The following RNGTT variants were observed in gnomAD, a reference collection of about 807,000 sequenced individuals.
The protein encoded by RNGTT is mRNA-capping enzyme.
A neutral mutation model predicts 79.3 loss-of-function variants in RNGTT; 33 were observed. The observed-to-expected ratio is 0.42, with a 90% CI of 0.32 to 0.56. The LOEUF is 0.56. Ranked by LOEUF, RNGTT falls within the 20% of genes least tolerant of loss-of-function variation. The pLI is 0.17. For missense variants in RNGTT, 497 were observed against 739.1 expected, an observed-to-expected ratio of 0.67 and a Z score of 3.80; for synonymous variants, 222 against 235.9, an observed-to-expected ratio of 0.94 and a Z score of 0.54.
At chr6:88,797,982 A>G (rs978401221) in intron 12 of RNGTT, among the ~76,000 whole-genome samples, 6 of 150,218 alleles carry the variant, frequency 4.0e-5, no homozygotes, top group African/African-American at 1.2e-4. Context: ...ATTGCCTCCT[A>G]GGAGTAGTAC....
chr6:88,875,172 A>G (rs1782478913), intron 8 of RNGTT, among the ~76,000 whole-genome samples: 1 of 152,048 alleles, frequency 6.6e-6, no homozygotes, highest in Non-Finnish European at 1.5e-5. Context: ...TTGAATTACC[A>G]TCACAAAGCA....
At chr6:88,737,182 G>A (rs113084630) in intron 13 of RNGTT, among the ~76,000 whole-genome samples, 3 of 152,154 alleles carry the variant, frequency 2.0e-5, no homozygotes, top group African/African-American at 7.2e-5. Context: ...CTTCTTAGAC[G>A]AGATTAGGCA....
chr6:88,777,462 T>A (rs959044892), intron 12 of RNGTT, among the ~76,000 whole-genome samples: 29 of 152,218 alleles, frequency 1.9e-4, no homozygotes, highest in Admixed American at 6.5e-5. Flanking sequence ...AATGTAAATC[T>A]TCCAATTCAT....
At chr6:88,752,937 T>C (rs546272025) in intron 13 of RNGTT, among the ~76,000 whole-genome samples, 2 of 152,256 alleles carry the variant, frequency 1.3e-5, no homozygotes, top group African/African-American at 4.8e-5. Flanking sequence ...ACGTTTCTGA[T>C]GATCCTACAG....
intron 11 of RNGTT, among the ~76,000 whole-genome samples, chr6:88,808,112 G>C (rs980923792): frequency 4.6e-5 from 7 of 152,068 alleles, no homozygotes; most frequent in African/African-American, 1.7e-4. Context: ...TATCTAAACT[G>C]AAATAATGAA....
intron 12 of RNGTT, among the ~76,000 whole-genome samples, chr6:88,793,853 A>G (rs1779503110): frequency 6.6e-6 from 1 of 152,254 alleles, no homozygotes; most frequent in African/African-American, 2.4e-5. Flanking sequence ...ACAGTCATGT[A>G]ATAGTCATAC....
intron 14 of RNGTT, among the ~76,000 whole-genome samples, chr6:88,652,626 T>G (rs1219317497): frequency 6.6e-6 from 1 of 152,192 alleles, no homozygotes; most frequent in African/African-American, 2.4e-5. Context: ...TGGATTTCTA[T>G]GATCTAGACT....
intron 14 of RNGTT, among the ~76,000 whole-genome samples, chr6:88,653,690 T>C (rs1002033371): frequency 6.6e-6 from 1 of 152,210 alleles, no homozygotes; most frequent in South Asian, 2.1e-4. Flanking sequence ...AATAGTTTGA[T>C]GAACTCCATG....
intron 9 of RNGTT, among the ~76,000 whole-genome samples, chr6:88,853,084 T>C (rs959446149): frequency 8.5e-5 from 13 of 152,222 alleles, no homozygotes; most frequent in Admixed American, 1.3e-4. Context: ...CTTTAACAAA[T>C]TTCTCCACCA....
intron 8 of RNGTT, among the ~76,000 whole-genome samples, chr6:88,888,888 G>C (rs1233982047): frequency 6.6e-6 from 1 of 152,160 alleles, no homozygotes; most frequent in Non-Finnish European, 1.5e-5. Context: ...AATAAGCCAG[G>C]TGTGGTGGCA....
chr6:88,665,208 CTGGCCCAG>C (rs1393434024), intron 14 of RNGTT, among the ~76,000 whole-genome samples: 1 of 152,166 alleles, frequency 6.6e-6, no homozygotes, highest in African/African-American at 2.4e-5. Flanking sequence ...AGGGCCAGCT[CTGGCCCAG>C]TGGTGGCCAA....
intron 13 of RNGTT, among the ~76,000 whole-genome samples, chr6:88,704,259 CA>C (rs35623392): frequency 0.023 from 1,113 of 48,648 alleles, 1 homozygote; most frequent in African/African-American, 0.049. Flanking sequence ...GACTCTGTCT[CA>C]AAAAAAAAAA....
chr6:88,698,883 A>G (rs1295986093), intron 13 of RNGTT, among the ~76,000 whole-genome samples: 2 of 152,204 alleles, frequency 1.3e-5, no homozygotes, highest in Non-Finnish European at 2.9e-5. Flanking sequence ...TGCTGAGCTG[A>G]TAACAGGAGA....
At chr6:88,668,841 T>A (rs545187666) in intron 14 of RNGTT, among the ~76,000 whole-genome samples, 34 of 152,050 alleles carry the variant, frequency 2.2e-4, no homozygotes, top group Non-Finnish European at 4.0e-4. Context: ...AAGCTAGGGA[T>A]GGGATGTGGT....
chr6:88,747,585 G>A (rs1777703843), intron 13 of RNGTT, among the ~76,000 whole-genome samples: 1 of 152,118 alleles, frequency 6.6e-6, no homozygotes. Context: ...GTCTATAAAA[G>A]CCTGTATCCC....
intron 14 of RNGTT, among the ~76,000 whole-genome samples, chr6:88,666,897 G>A (rs1292672496): frequency 6.6e-6 from 1 of 152,116 alleles, no homozygotes; most frequent in African/African-American, 2.4e-5. Context: ...ACTGACTCTC[G>A]GTATGCCTTT....
At chr6:88,846,516 A>C (rs1582535966) in intron 10 of RNGTT, among the ~76,000 whole-genome samples, 1 of 152,238 alleles carries the variant, frequency 6.6e-6, no homozygotes, top group East Asian at 1.9e-4. Context: ...GGAAGGCTAA[A>C]GCGGGCAGAT....
chr6:88,765,369 T>C (rs1778425840), intron 13 of RNGTT, among the ~76,000 whole-genome samples: 1 of 152,160 alleles, frequency 6.6e-6, no homozygotes, highest in South Asian at 2.1e-4. Context: ...TACATTCTGC[T>C]GAGGTTCAAT....
chr6:88,757,507 G>A (rs1778061257), intron 13 of RNGTT, among the ~76,000 whole-genome samples: 1 of 152,090 alleles, frequency 6.6e-6, no homozygotes, highest in African/African-American at 2.4e-5. Context: ...CTAGTAAAGA[G>A]AGTAAAGGAA....
Sources: gnomAD v4.1 joint callset for allele counts (sites outside exome capture counted in the v4.1 genomes callset) on GRCh38, gnomAD v4.1.1 for gene constraint, MANE v1.5 for transcripts, NCBI Gene and HGNC (gene_info 2026-07-23, HGNC 2026-07-21) for gene names.